The following UTRN variants were observed in gnomAD, a reference collection of about 807,000 sequenced individuals.
The protein encoded by UTRN is utrophin, also known as dystrophin-related protein 1.
Under a neutral mutation model 463.9 loss-of-function variants are expected in UTRN, and 283 were observed. The ratio of observed to expected loss-of-function variants is 0.61; its 90% CI spans 0.55 to 0.67. The LOEUF (loss-of-function observed/expected upper bound fraction) is 0.67, where lower values mean the gene tolerates loss of function less well. UTRN is among the 30% of genes least tolerant of loss of function. The probability of loss-of-function intolerance (pLI) is 0.00; values close to 1 mark genes in which losing one functional copy is unlikely to be tolerated. For synonymous variants in UTRN, 1,442 were observed against 1,431.5 expected, an observed-to-expected ratio of 1.01 and a Z score of -0.17; for missense variants, 3,922 against 4,084.3, an observed-to-expected ratio of 0.96 and a Z score of 1.08.
intron 51 of UTRN, among the ~76,000 whole-genome samples, chr6:144,591,061 A>G (rs1454936686): frequency 6.6e-6 from 1 of 152,184 alleles, no homozygotes; most frequent in Non-Finnish European, 1.5e-5. Context: ...GAGATGATCC[A>G]CCTGACATGC....
At chr6:144,590,148 G>A (rs945392798) in intron 51 of UTRN, among the ~76,000 whole-genome samples, 5 of 152,022 alleles carry the variant, frequency 3.3e-5, no homozygotes, top group African/African-American at 1.2e-4. Context: ...TGAGCAGGTG[G>A]CTATGTACTT....
chr6:144,451,720 A>G (rs1283081708), intron 18 of UTRN, among the ~76,000 whole-genome samples: 2 of 151,530 alleles, frequency 1.3e-5, no homozygotes, highest in Non-Finnish European at 2.9e-5. Context: ...AGTCACTGAG[A>G]TGTACAGTGA....
intron 51 of UTRN, among the ~76,000 whole-genome samples, chr6:144,662,007 C>T (rs530502495): frequency 3.7e-4 from 56 of 150,486 alleles, no homozygotes; most frequent in African/African-American, 1.2e-3. Context: ...TTATTATTAT[C>T]TATTTATTTA....
chr6:144,758,479 A>T (rs1792256553), intron 58 of UTRN, among the ~76,000 whole-genome samples: 2 of 152,152 alleles, frequency 1.3e-5, no homozygotes, highest in Non-Finnish European at 2.9e-5. Flanking sequence ...ATGATTTATC[A>T]TGAAAAAGTG....
intron 52 of UTRN, among the ~76,000 whole-genome samples, chr6:144,698,812 CCTAAACATATCT>C (rs944968123): frequency 4.8e-4 from 73 of 152,198 alleles, no homozygotes; most frequent in African/African-American, 1.6e-3. Flanking sequence ...AAATGTATTT[CCTAAACATATCT>C]GTGATTATGG....
intron 52 of UTRN, among the ~76,000 whole-genome samples, chr6:144,695,128 T>C (rs779465066): frequency 6.6e-6 from 1 of 152,142 alleles, no homozygotes; most frequent in Non-Finnish European, 1.5e-5. Flanking sequence ...GCAGGGAACA[T>C]TTGCTCTAAT....
At chr6:144,438,721 T>A in intron 11 of UTRN, 24 bp from the exon 12 acceptor site, 10 of 1,613,692 alleles carry the variant, frequency 6.2e-6, no homozygotes, top group Non-Finnish European at 8.5e-6. Flanking sequence ...CTTGTAGGAA[T>A]AATGCTGTGT....
At chr6:144,412,751 T>TAC (rs1279369570) in intron 3 of UTRN, among the ~76,000 whole-genome samples, 1 of 126,288 alleles carries the variant, frequency 7.9e-6, no homozygotes, top group Admixed American at 8.0e-5. Flanking sequence ...TATATATATA[T>TAC]ACACACACCA....
intron 3 of UTRN, among the ~76,000 whole-genome samples, chr6:144,418,254 C>T (rs1784519337): frequency 6.8e-6 from 1 of 147,716 alleles, no homozygotes; most frequent in African/African-American, 2.5e-5. Context: ...CGCTCTGTCA[C>T]CCAGGCTGGA....
chr6:144,779,017 C>T (rs1005777240), intron 60 of UTRN, among the ~76,000 whole-genome samples: 1 of 152,144 alleles, frequency 6.6e-6, no homozygotes, highest in Non-Finnish European at 1.5e-5. Flanking sequence ...AAATTGAAGA[C>T]ATGATAGTCT....
At chr6:144,528,449 A>G (rs1434535620) in intron 41 of UTRN, among the ~76,000 whole-genome samples, 1 of 152,232 alleles carries the variant, frequency 6.6e-6, no homozygotes, top group East Asian at 1.9e-4. Flanking sequence ...TCTGGGAATC[A>G]GTGGCTGCTG....
At position 144,295,834 on chromosome 6, in the gene UTRN, C is replaced by A. The variant is rs146753025; in HGVS notation, c.79+3927C>A. Among the ~76,000 whole-genome samples, 19 of 152,350 alleles carry A rather than the reference C, an allele frequency of 1.2e-4. 1 individual carries two copies. In the East Asian group the frequency reaches 3.7e-3, roughly 29 times the overall value. On this transcript the variant is annotated intron_variant, in intron 2 of 74. Coordinates refer to ENST00000367545, the MANE Select transcript of UTRN (RefSeq NM_007124.3). ...TTGCAGATGATAAATGTGAGCCATACTGAAGTGATTTGTGGCACTGGACTT... is the reference window on the plus strand; with the variant it reads ...TTGCAGATGATAAATGTGAGCCATAATGAAGTGATTTGTGGCACTGGACTT...
chr6:144,667,587 T>C (rs1339034966), intron 51 of UTRN, among the ~76,000 whole-genome samples: 1 of 152,216 alleles, frequency 6.6e-6, no homozygotes, highest in East Asian at 1.9e-4. Flanking sequence ...CTTACAGATA[T>C]ATAGCGTAAG....
In UTRN at chr6:144,554,904, T is replaced by C. The variant is rs773672692; in HGVS notation, c.7134+11T>C. ...ATTTCTGATAACCAAGTAAGACTCA[T>C]CAGATATTTTTTGGCAGTATTGTTT... On this transcript the variant is annotated intron_variant, in intron 49 of 74. Transcript: ENST00000367545. The C allele has an allele frequency of 1.4e-5, 22 of 1,613,470 alleles. No homozygotes were observed. The highest frequency in any genetic ancestry group is 1.8e-5 in the Non-Finnish European group (21 of 1,179,780).
chr6:144,487,063 T>C (rs1792530069), intron 28 of UTRN, among the ~76,000 whole-genome samples: 1 of 152,228 alleles, frequency 6.6e-6, no homozygotes, highest in East Asian at 1.9e-4. Flanking sequence ...ATATAATTAA[T>C]AAAAGTTGAG....
chr6:144,753,366 A>G (rs1791606060), intron 56 of UTRN, among the ~76,000 whole-genome samples: 2 of 152,162 alleles, frequency 1.3e-5, no homozygotes, highest in South Asian at 4.1e-4. Flanking sequence ...TGTAATCCCA[A>G]CATTTTGTGA....
chr6:144,795,370 C>G (rs1242739310), intron 63 of UTRN, among the ~76,000 whole-genome samples: 3 of 152,112 alleles, frequency 2.0e-5, no homozygotes. Flanking sequence ...GATTTATAAT[C>G]CTTTGGGTAT....
rs1203709140 is a variant in UTRN at position 144,305,163 on chromosome 6, G to A, written c.79+13256G>A. Among the ~76,000 whole-genome samples, 5 of 152,000 alleles carry A rather than the reference G, an allele frequency of 3.3e-5. No individual in the cohort carries two copies. The East Asian group carries it at 7.7e-4, about 23-fold the overall frequency. On this transcript the variant is annotated intron_variant, in intron 2 of 74. Transcript: ENST00000367545. The stretch of plus-strand genomic sequence containing the variant: ...TTGGCCAGGCTGGTAATGTTTTGAC[G>A]TATTTGATTTAGGTTGTATTTTAAA...
At chr6:144,323,360 G>C (rs1775784467) in intron 2 of UTRN, among the ~76,000 whole-genome samples, 1 of 152,090 alleles carries the variant, frequency 6.6e-6, no homozygotes, top group South Asian at 2.1e-4. Context: ...CCCTTATCAA[G>C]ATTAATAGAC....
Sources: allele counts gnomAD v4.1 joint callset (sites outside exome capture counted in the v4.1 genomes callset), GRCh38; gene constraint gnomAD v4.1.1; transcripts MANE v1.5; gene names NCBI Gene and HGNC (gene_info 2026-07-23, HGNC 2026-07-21).